The following FOXP1 variants were observed in gnomAD, a reference collection of about 807,000 sequenced individuals.
FOXP1 encodes the protein forkhead box P1.
A neutral mutation model predicts 98.2 loss-of-function variants in FOXP1; 15 were observed. The observed-to-expected ratio is 0.15, with a 90% CI of 0.10 to 0.24. The LOEUF is 0.24. FOXP1 is among the 10% of genes least tolerant of loss of function. The pLI is 1.00. For synonymous variants in FOXP1, 371 were observed against 314.5 expected, an observed-to-expected ratio of 1.18 and a Z score of -1.90; for missense variants, 633 against 848.5, an observed-to-expected ratio of 0.75 and a Z score of 3.15.
At chr3:71,115,317 TTTTA>T (rs10563814) in intron 6 of FOXP1, among the ~76,000 whole-genome samples, 103,714 of 143,836 alleles carry the variant, frequency 0.72, 38,092 homozygotes, top group African/African-American at 0.85. Context: ...ATTATTATTA[TTTTA>T]TTTATTTATT....
chr3:71,331,658 C>G (rs1468819675), intron 4 of FOXP1, among the ~76,000 whole-genome samples: 3 of 152,200 alleles, frequency 2.0e-5, no homozygotes, highest in Non-Finnish European at 4.4e-5. Context: ...TGTAAATACA[C>G]CAATCAGCAC....
intron 2 of FOXP1, among the ~76,000 whole-genome samples, chr3:71,575,720 T>A (rs1257082444): frequency 6.6e-6 from 1 of 152,228 alleles, no homozygotes; most frequent in East Asian, 1.9e-4. Context: ...CAAGAATATC[T>A]TTTAAAAATG....
chr3:71,066,857 G>A (rs535518950), intron 7 of FOXP1, among the ~76,000 whole-genome samples: 1 of 152,214 alleles, frequency 6.6e-6, no homozygotes, highest in Non-Finnish European at 1.5e-5. Context: ...TCAGCTAATA[G>A]TCTGCAGGTG....
At chr3:71,074,105 T>C (rs961713840) in intron 7 of FOXP1, among the ~76,000 whole-genome samples, 2 of 152,220 alleles carry the variant, frequency 1.3e-5, no homozygotes, top group African/African-American at 4.8e-5. Context: ...GCAGTACTTA[T>C]GGGAATGTGT....
At chr3:71,321,634 T>A (rs1012316653) in intron 4 of FOXP1, among the ~76,000 whole-genome samples, 1 of 152,004 alleles carries the variant, frequency 6.6e-6, no homozygotes, top group Non-Finnish European at 1.5e-5. Flanking sequence ...TTTCTTTTTT[T>A]TTTTTGAGAT....
chr3:71,436,143 T>C (rs1197199032), intron 3 of FOXP1, among the ~76,000 whole-genome samples: 2 of 151,914 alleles, frequency 1.3e-5, no homozygotes, highest in East Asian at 3.9e-4. Context: ...TCCTATTACA[T>C]ATTTCCCAAA....
intron 2 of FOXP1, chr3:71,567,965 G>GAAAGA (rs1559540613): frequency 1.4e-5 from 2 of 139,796 alleles, no homozygotes; most frequent in Non-Finnish European, 3.1e-5. Context: ...TAGAAGAAAA[G>GAAAGA]AAAGAAAATG....
chr3:71,386,101 G>C (rs368823705), intron 3 of FOXP1, among the ~76,000 whole-genome samples: 11 of 152,200 alleles, frequency 7.2e-5, no homozygotes, highest in South Asian at 6.2e-4. Context: ...AAACGTTAAG[G>C]ATTTTGGGAC....
intron 6 of FOXP1, among the ~76,000 whole-genome samples, chr3:71,197,237 TTC>T (rs997428978): frequency 9.9e-5 from 15 of 152,260 alleles, no homozygotes; most frequent in Non-Finnish European, 7.4e-5. Context: ...ATTCACCTGT[TTC>T]TGAGTGGCGC....
intron 2 of FOXP1, among the ~76,000 whole-genome samples, chr3:71,504,549 C>T (rs1410120198): frequency 1.3e-5 from 2 of 152,152 alleles, no homozygotes; most frequent in Non-Finnish European, 2.9e-5. Context: ...CAAACTTCAG[C>T]ACAACAGTAA....
At chr3:71,439,341 A>C (rs1168663077) in intron 3 of FOXP1, among the ~76,000 whole-genome samples, 1 of 152,232 alleles carries the variant, frequency 6.6e-6, no homozygotes, top group East Asian at 1.9e-4. Context: ...CAAAGGTAGC[A>C]GTGATGTAAT....
intron 2 of FOXP1, among the ~76,000 whole-genome samples, chr3:71,526,187 A>G (rs2043367994): frequency 6.6e-6 from 1 of 152,192 alleles, no homozygotes. Context: ...TGGTACTATG[A>G]TGTCGGTGAA....
chr3:70,974,349 G>A (rs1418036510), intron 17 of FOXP1, among the ~76,000 whole-genome samples: 1 of 151,870 alleles, frequency 6.6e-6, no homozygotes, highest in African/African-American at 2.4e-5. Flanking sequence ...CCTGACTGCA[G>A]TGCAGTGGTT....
chr3:71,352,404 G>T (rs184572286), intron 4 of FOXP1, among the ~76,000 whole-genome samples: 1 of 141,716 alleles, frequency 7.1e-6, no homozygotes, highest in African/African-American at 2.6e-5. Context: ...GGTGGAGGTT[G>T]CAGTGAGCCG....
chr3:71,217,484 G>C (rs1251133905), intron 5 of FOXP1, among the ~76,000 whole-genome samples: 1 of 151,246 alleles, frequency 6.6e-6, no homozygotes, highest in Non-Finnish European at 1.5e-5. Flanking sequence ...GATTTTTTTT[G>C]CTTCTGTTTC....
intron 3 of FOXP1, among the ~76,000 whole-genome samples, chr3:71,462,466 C>G (rs2088233022): frequency 6.6e-6 from 1 of 152,182 alleles, no homozygotes; most frequent in South Asian, 2.1e-4. Flanking sequence ...CTCAGCCTCA[C>G]AGAATCACGT....
chr3:70,979,103 T>C (rs544217688), intron 14 of FOXP1, among the ~76,000 whole-genome samples: 32 of 150,984 alleles, frequency 2.1e-4, no homozygotes, highest in Non-Finnish European at 4.4e-4. Flanking sequence ...TCTGTCTCCA[T>C]TAACGCACAC....
At position 71,181,437 on chromosome 3, in the gene FOXP1, T is replaced by C. The variant is rs753370736; in HGVS notation, c.180+16765A>G. Among the ~76,000 whole-genome samples, 7 of 152,360 alleles carry C rather than the reference T, an allele frequency of 4.6e-5. No individual in the cohort carries two copies. The East Asian group carries it at 1.3e-3, about 29-fold the overall frequency. On this transcript the variant is annotated intron_variant, in intron 6 of 20. Coordinates refer to ENST00000649528, the MANE Select transcript of FOXP1 (RefSeq NM_001349338.3). ...AGGAAGTTATCTCTATTGCCCTGTT[T>C]TACAGATGAGAAAAGTGAGGCTGTG... is the stretch of plus-strand genomic sequence containing the variant.
chr3:71,385,491 GGA>G (rs2080500401), intron 3 of FOXP1, among the ~76,000 whole-genome samples: 2 of 152,094 alleles, frequency 1.3e-5, no homozygotes, highest in African/African-American at 2.4e-5. Context: ...GCTGCTCTGG[GGA>G]GAGACTGACG....
Sources: gnomAD v4.1 joint callset for allele counts (sites outside exome capture counted in the v4.1 genomes callset) on GRCh38, gnomAD v4.1.1 for gene constraint, MANE v1.5 for transcripts, NCBI Gene and HGNC (gene_info 2026-07-23, HGNC 2026-07-21) for gene names.